The following MED13 variants were observed in gnomAD, a reference collection of about 807,000 sequenced individuals.
MED13 encodes mediator of RNA polymerase II transcription subunit 13.
A neutral mutation model predicts 225.2 loss-of-function variants in MED13; 23 were observed. The ratio of observed to expected loss-of-function variants is 0.10; its 90% CI spans 0.07 to 0.14. The LOEUF is 0.14. Among genes scored for constraint, MED13 ranks in the 10% least tolerant of loss-of-function variants. MED13 has a pLI of 1.00. For missense variants in MED13, 2,197 were observed against 2,594.5 expected, an observed-to-expected ratio of 0.85 and a Z score of 3.33; for synonymous variants, 942 against 889.2, an observed-to-expected ratio of 1.06 and a Z score of -1.06.
intron 11 of MED13, among the ~76,000 whole-genome samples, chr17:61,991,419 A>C (rs1241920205): frequency 6.6e-6 from 1 of 151,924 alleles, no homozygotes; most frequent in Non-Finnish European, 1.5e-5. Flanking sequence ...GGCTCACCAC[A>C]ACCTCTGCCT....
At chr17:62,020,231 CTTT>C (rs202093070) in intron 8 of MED13, among the ~76,000 whole-genome samples, 1 of 146,398 alleles carries the variant, frequency 6.8e-6, no homozygotes, top group African/African-American at 2.5e-5. Context: ...AGCAGCCTTT[CTTT>C]TTTTTTTTAT....
At chr17:62,062,579 A>ACACACACACACACACACACAC (rs1301924972) in intron 2 of MED13, among the ~76,000 whole-genome samples, 65 of 109,598 alleles carry the variant, frequency 5.9e-4, no homozygotes, top group Non-Finnish European at 1.0e-3. Flanking sequence ...ATGCCTTAAA[A>ACACACACACACACACACACAC]CACACACACA....
Position 61,997,894 on chromosome 17 carries a change from T to C in MED13, c.1968-2529A>G, listed in dbSNP as rs117028743. On this transcript the variant is annotated intron_variant, in intron 9 of 29. Coordinates refer to ENST00000397786, the MANE Select transcript of MED13 (RefSeq NM_005121.3). ...CAGTAACATTATTAAAAAAACCAAC[T>C]CTACTGCACAGGGCTCTATTAAAAT... Among the ~76,000 whole-genome samples the C allele has an allele frequency of 5.2e-3, 791 of 152,106 alleles. 1 individual carries two copies. Among genetic ancestry groups the C allele is most frequent in the Non-Finnish European group, 7.2e-3 (489 of 67,966 alleles).
chr17:62,015,954 A>T lies in MED13; in HGVS notation c.1284-4721T>A, dbSNP rs1276447446. 6.4e-3 allele frequency among the ~76,000 whole-genome samples: 82 copies of T among 12,904 alleles called. 1 individual carries two copies. The highest frequency in any genetic ancestry group is 0.032 in the East Asian group (4 of 124). 8.5% of individuals were successfully genotyped at this position (12,904 alleles called of 152,430 possible). A position where few individuals can be genotyped will look rare whatever the true frequency, so the allele number is the denominator to read the frequency against. ...TATATATATATATATATATATATAT[A>T]TTTTTTTTTTTTTTTTTTTTTTTTT... On this transcript the variant is annotated intron_variant, in intron 8 of 29. Coordinates refer to ENST00000397786, the MANE Select transcript of MED13 (RefSeq NM_005121.3).
At position 61,945,218 on chromosome 17, in the gene MED13, T is replaced by TGC. The variant is rs1444447947; in HGVS notation, c.*1248_*1249dup. On this transcript the variant is annotated 3_prime_UTR_variant, in exon 30 of 30. Transcript: ENST00000397786. ...GAATCTATTTACACCACAGTTTGAT[T>TGC]GCGCGCACACACACACACCCATACA... 1.3e-5 allele frequency: 2 copies of TGC among 152,026 alleles called. No homozygotes were observed. Among genetic ancestry groups the TGC allele is most frequent in the African/African-American group, 4.8e-5 (2 of 41,408 alleles). The allele number at this position is 152,026 out of a possible 1,614,324, so 9.4% of individuals were successfully genotyped here.
chr17:61,974,052 C>T (rs989996403), intron 16 of MED13, among the ~76,000 whole-genome samples: 19 of 152,128 alleles, frequency 1.2e-4, no homozygotes, highest in African/African-American at 4.1e-4. Flanking sequence ...AAATACAATA[C>T]TTAATATGTA....
chr17:62,056,248 C>G (rs2080995570), intron 2 of MED13, among the ~76,000 whole-genome samples: 1 of 150,380 alleles, frequency 6.6e-6, no homozygotes, highest in Non-Finnish European at 1.5e-5. Flanking sequence ...AAAGTACTTT[C>G]TACACGTTGT....
chr17:61,973,937 C>T (rs763798104), intron 16 of MED13, among the ~76,000 whole-genome samples: 15 of 151,864 alleles, frequency 9.9e-5, no homozygotes, highest in Non-Finnish European at 2.2e-4. Context: ...GAGCCGAGAT[C>T]ATGGCATTGC....
chr17:62,011,447 T>C (rs2080508227), intron 8 of MED13, among the ~76,000 whole-genome samples: 1 of 152,218 alleles, frequency 6.6e-6, no homozygotes, highest in Non-Finnish European at 1.5e-5. Context: ...AAGCCAATTA[T>C]CTCATGCTCA....
At position 61,955,855 on chromosome 17, in the gene MED13, T is replaced by TAA. The variant is rs61326861; in HGVS notation, c.5624-19_5624-18dup. On this transcript the variant is annotated splice_polypyrimidine_tract_variant and intron_variant, in intron 24 of 29. Transcript: ENST00000397786. ...AGCTCCAATCTGTGGGTATCAACAG[T>TAA]AAAAAAAAAAAAAAAAAAAAAAAAA... is the stretch of plus-strand genomic sequence containing the variant. 6,049 of 814,094 alleles carry TAA rather than the reference T, an allele frequency of 7.4e-3. 25 individuals are homozygous for TAA. Among genetic ancestry groups the TAA allele is most frequent in the Admixed American group, 0.019 (134 of 7,040 alleles). 50.4% of individuals were successfully genotyped at this position (814,094 alleles called of 1,614,324 possible).
At position 62,048,043 on chromosome 17, in the gene MED13, C is replaced by CATATACATATACATATATAT. The variant is rs776069700; in HGVS notation, c.470+4493_470+4494insATATATATGTATATGTATAT. On this transcript the variant is annotated intron_variant, in intron 3 of 29. Coordinates refer to ENST00000397786, the MANE Select transcript of MED13 (RefSeq NM_005121.3). ...ATATATACATATACATATACATATA[C>CATATACATATACATATATAT]ATATATATATATATATATATGTATA... is the stretch of plus-strand genomic sequence containing the variant. Among the ~76,000 whole-genome samples, 3 of 131,140 alleles carry CATATACATATACATATATAT rather than the reference C, an allele frequency of 2.3e-5. No individual in the cohort carries two copies. The East Asian group carries it at 7.4e-4, about 32-fold the overall frequency. The allele number at this position is 131,140 out of a possible 152,430, so 86.0% of individuals were successfully genotyped here. A position where few individuals can be genotyped will look rare whatever the true frequency, so the allele number is the denominator to read the frequency against.
intron 2 of MED13, among the ~76,000 whole-genome samples, chr17:62,055,395 A>T (rs1460570103): frequency 6.6e-6 from 1 of 152,136 alleles, no homozygotes; most frequent in African/African-American, 2.4e-5. Flanking sequence ...GACTCAAAAA[A>T]ACAAAAAAAA....
chr17:61,969,586 G>T (rs1166947781), intron 17 of MED13, among the ~76,000 whole-genome samples: 1 of 151,992 alleles, frequency 6.6e-6, no homozygotes, highest in Non-Finnish European at 1.5e-5. Flanking sequence ...CTCATGTTAA[G>T]TGTTCTTTCT....
chr17:61,983,731 C>A (rs563056220), intron 15 of MED13, among the ~76,000 whole-genome samples: 29 of 138,476 alleles, frequency 2.1e-4, no homozygotes, highest in Non-Finnish European at 4.1e-4. Flanking sequence ...CCCAATTAAC[C>A]TTTTTTTTTT....
intron 10 of MED13, among the ~76,000 whole-genome samples, chr17:61,994,450 T>C (rs912206509): frequency 6.6e-6 from 1 of 152,216 alleles, no homozygotes; most frequent in Non-Finnish European, 1.5e-5. Context: ...AGTTCCTGAA[T>C]CACATATTCA....
chr17:61,959,059 A>T (rs1338709335), intron 23 of MED13, among the ~76,000 whole-genome samples: 3 of 151,794 alleles, frequency 2.0e-5, no homozygotes, highest in Non-Finnish European at 2.9e-5. Context: ...GCTAGAGTGC[A>T]ATAGCACAAT....
chr17:62,011,254 T>C, intron 8 of MED13, 21 bp from the exon 9 acceptor site: 1 of 1,591,502 alleles, frequency 6.3e-7, no homozygotes, highest in South Asian at 1.1e-5. Flanking sequence ...AAAATAAAGG[T>C]TTCATATTTA....
intron 8 of MED13, among the ~76,000 whole-genome samples, chr17:62,015,954 ATTTTTTT>A (rs869061252): frequency 0.083 from 1,070 of 12,818 alleles, 85 homozygotes; most frequent in Non-Finnish European, 0.1. Context: ...ATATATATAT[ATTTTTTT>A]TTTTTTTTTT....
chr17:62,064,154 T>C (rs186394197), intron 1 of MED13, among the ~76,000 whole-genome samples: 1 of 152,316 alleles, frequency 6.6e-6, no homozygotes, highest in East Asian at 1.9e-4. Flanking sequence ...CTTAACTCAC[T>C]TACCTATCAT....
Sources: allele counts gnomAD v4.1 joint callset (sites outside exome capture counted in the v4.1 genomes callset), GRCh38; gene constraint gnomAD v4.1.1; transcripts MANE v1.5; gene names NCBI Gene and HGNC (gene_info 2026-07-23, HGNC 2026-07-21).